Variants in RAD51AP2 observed in about 807,000 individuals in gnomAD.
The protein encoded by RAD51AP2 is RAD51 associated protein 2.
RAD51AP2 carries 67 observed loss-of-function variants against 85.5 expected under a neutral mutation model. That is an observed-to-expected ratio of 0.78 (90% confidence interval 0.64 to 0.96). RAD51AP2 has a LOEUF of 0.96. Ranked by LOEUF, RAD51AP2 falls within the 40% of genes least tolerant of loss-of-function variation. The pLI, the probability that RAD51AP2 is intolerant of heterozygous loss-of-function variation, is 0.00. For missense variants in RAD51AP2, 1,307 were observed against 1,332.4 expected, an observed-to-expected ratio of 0.98 and a Z score of 0.30; for synonymous variants, 474 against 446.5, an observed-to-expected ratio of 1.06 and a Z score of -0.78.
the RAD51AP2 span, among the ~76,000 whole-genome samples, chr2:17,528,569 A>C: frequency 6.6e-6 from 1 of 152,186 alleles, no homozygotes; most frequent in Non-Finnish European, 1.5e-5. Context: ...TCAGATAGGC[A>C]CGGTGGTTCA....
chr2:17,514,509 C>T (rs543099395), intron 1 of RAD51AP2, among the ~76,000 whole-genome samples: 2 of 148,034 alleles, frequency 1.4e-5, no homozygotes, highest in South Asian at 2.2e-4. Flanking sequence ...CGCTTGTAAT[C>T]CTAGCATTTT....
upstream of RAD51AP2, among the ~76,000 whole-genome samples, chr2:17,519,180 T>C (rs1413111915): frequency 6.6e-6 from 1 of 152,096 alleles, no homozygotes; most frequent in Non-Finnish European, 1.5e-5. Flanking sequence ...TAAAATATTA[T>C]ATGTTTGAAC....
At chr2:17,519,265 G>GT (rs550904037), upstream of RAD51AP2, among the ~76,000 whole-genome samples, 1,162 of 142,658 alleles carry the variant, frequency 8.1e-3, 40 homozygotes, top group Admixed American at 0.056. Context: ...GCTATTTCTT[G>GT]TTTTTTTTTT....
chr2:17,528,064 T>C, the RAD51AP2 span, among the ~76,000 whole-genome samples: 1 of 152,318 alleles, frequency 6.6e-6, no homozygotes, highest in South Asian at 2.1e-4. Flanking sequence ...TATAAATTCT[T>C]TGTGAGGATA....
At chr2:17,531,962 A>G in the RAD51AP2 span, among the ~76,000 whole-genome samples, 1 of 152,166 alleles carries the variant, frequency 6.6e-6, no homozygotes, top group African/African-American at 2.4e-5. Context: ...GCCCAAGACC[A>G]CATCTAATAA....
chr2:17,518,065 A>T lies in RAD51AP2; in HGVS notation c.351T>A (p.Ser117=). 1 of 1,614,030 alleles carries T rather than the reference A, an allele frequency of 6.2e-7. No homozygotes were observed. Among genetic ancestry groups the T allele is most frequent in the Non-Finnish European group, 8.5e-7 (1 of 1,180,002 alleles). The change falls in exon 1 of 3, where the codon TCT becomes TCA. Residue 117 remains serine, a synonymous_variant. Coordinates refer to ENST00000399080, the MANE Select transcript of RAD51AP2 (RefSeq NM_001099218.3). The part of the protein sequence containing the change: ...LKFQMSSCLQ[S]PPSQSPDSDL... ...CAGAATCAGGACTTTGTGAGGGGGG[A>T]GACTGCAAACAGCTACTCATTTGGA...
the RAD51AP2 span, among the ~76,000 whole-genome samples, chr2:17,525,584 G>A: frequency 3.9e-5 from 6 of 152,128 alleles, no homozygotes; most frequent in Admixed American, 3.3e-4. Context: ...AATGCAATCT[G>A]ATACATACTC....
intron 1 of RAD51AP2, 150 bp downstream of exon 1, chr2:17,515,019 A>AG: frequency 3.1e-6 from 2 of 645,534 alleles, no homozygotes; most frequent in East Asian, 5.8e-5. Flanking sequence ...AAAAAAAAAA[A>AG]AGAAAGAAAA....
the RAD51AP2 span, among the ~76,000 whole-genome samples, chr2:17,532,828 G>T: frequency 6.6e-6 from 1 of 152,206 alleles, no homozygotes; most frequent in East Asian, 1.9e-4. Context: ...AATTTAGCCA[G>T]CATGCATATA....
chr2:17,525,405 T>C, the RAD51AP2 span, among the ~76,000 whole-genome samples: 515 of 152,038 alleles, frequency 3.4e-3, 18 homozygotes, highest in East Asian at 0.084. Flanking sequence ...TCACAGAAAG[T>C]AGACAAGGAA....
At chr2:17,537,547 A>T in the RAD51AP2 span, among the ~76,000 whole-genome samples, 1 of 152,156 alleles carries the variant, frequency 6.6e-6, no homozygotes, top group African/African-American at 2.4e-5. Flanking sequence ...ATTTTTAAAA[A>T]ATATCCCCAT....
chr2:17,521,795 A>G (rs564387462), upstream of RAD51AP2, among the ~76,000 whole-genome samples: 19 of 152,142 alleles, frequency 1.2e-4, no homozygotes, highest in African/African-American at 4.6e-4. Context: ...TTTTGTCCTC[A>G]ATGTTCATTA....
rs1572298404 is a variant in RAD51AP2 at position 17,517,461 on chromosome 2, C to T, written c.955G>A (p.Ala319Thr). Residue 319 changes from alanine to threonine, a missense_variant, in exon 1 of 3, where the codon GCG becomes ACG. Physicochemically the swap from Ala to Thr is moderately conservative, Grantham distance 58. Coordinates refer to ENST00000399080, the MANE Select transcript of RAD51AP2 (RefSeq NM_001099218.3). ...KLQNDKKTVE[A>T]ENIFSKCYEN... is the part of the protein sequence containing the mutation. ...TAACATTTGGAAAAAATGTTTTCCG[C>T]TTCTACAGTTTTTTTATCATTCTGT... 1 of 1,613,894 alleles carries T rather than the reference C, an allele frequency of 6.2e-7. No homozygotes were observed. The highest frequency in any genetic ancestry group is 2.2e-5 in the East Asian group (1 of 44,854).
Position 17,510,683 on chromosome 2 carries a change from C to CAAA in RAD51AP2, c.*118_*120dup. On this transcript the variant is annotated 3_prime_UTR_variant, in exon 3 of 3. Coordinates refer to ENST00000399080, the MANE Select transcript of RAD51AP2 (RefSeq NM_001099218.3). ...AAGGTAATACCATAATTTATACACT[C>CAAA]AAAAAAAAAAACTTCTCCACTTTAT... 2.3e-6 allele frequency: 1 copy of CAAA among 439,680 alleles called. No homozygotes were observed. Among genetic ancestry groups the CAAA allele is most frequent in the Non-Finnish European group, 3.8e-6 (1 of 262,534 alleles). 27.2% of individuals were successfully genotyped at this position (439,680 alleles called of 1,614,324 possible).
At chr2:17,525,109 G>C in the RAD51AP2 span, among the ~76,000 whole-genome samples, 9 of 152,016 alleles carry the variant, frequency 5.9e-5, no homozygotes, top group African/African-American at 1.4e-4. Context: ...TTACAAGAAG[G>C]CTTGGCCAAT....
the RAD51AP2 span, among the ~76,000 whole-genome samples, chr2:17,535,534 G>A: frequency 1.3e-5 from 2 of 152,200 alleles, no homozygotes; most frequent in African/African-American, 2.4e-5. Context: ...TACAGTGGCA[G>A]TGAGGAATGA....
At chr2:17,536,729 G>A in the RAD51AP2 span, among the ~76,000 whole-genome samples, 1 of 152,206 alleles carries the variant, frequency 6.6e-6, no homozygotes, top group Non-Finnish European at 1.5e-5. Context: ...GAAATCAGAG[G>A]AGGACTGGGA....
rs1662754026 is a variant in RAD51AP2 at position 17,518,196 on chromosome 2, G to T, written c.220C>A (p.Leu74Ile). ...WELSPRPFKG[L>I]LVSTNAIFDN... ...AAAATAGCATTCGTTGAAACAAGGA[G>T]TCCCTTGAAGGGTCTAGGGGACAAC... The change falls in exon 1 of 3, where the codon CTC becomes ATC. Residue 74 changes from leucine to isoleucine, a missense_variant. Around this residue, in one of 3 missense-constraint regions of RAD51AP2, gnomAD observed 635 missense variants for 643.6 expected, o/e 0.99. Coordinates refer to ENST00000399080, the MANE Select transcript of RAD51AP2 (RefSeq NM_001099218.3). 6.2e-7 allele frequency: 1 copy of T among 1,614,052 alleles called. No individual in the cohort carries two copies. Among genetic ancestry groups the T allele is most frequent in the African/African-American group, 1.3e-5 (1 of 74,910 alleles).
chr2:17,527,300 GA>G, the RAD51AP2 span, among the ~76,000 whole-genome samples: 2 of 152,042 alleles, frequency 1.3e-5, no homozygotes, highest in African/African-American at 4.8e-5. Flanking sequence ...GGAATGGAGA[GA>G]AAAAAAGGAT....
Sources: allele counts gnomAD v4.1 joint callset (sites outside exome capture counted in the v4.1 genomes callset), GRCh38; gene constraint gnomAD v4.1.1; regional missense constraint gnomAD v4.1.1; transcripts MANE v1.5; gene names NCBI Gene and HGNC (gene_info 2026-07-23, HGNC 2026-07-21).